Variants in ANKRD30BL observed in about 807,000 individuals in gnomAD.
ANKRD30BL encodes putative ankyrin repeat domain-containing protein 30B-like.
A neutral mutation model predicts 18.4 loss-of-function variants in ANKRD30BL; 20 were observed. That is an observed-to-expected ratio of 1.09 (90% CI 0.77 to 1.58). The LOEUF is 1.58. ANKRD30BL is among the 40% of genes most tolerant of loss of function. The pLI is 0.00. For synonymous variants in ANKRD30BL, 72 were observed against 100.9 expected (o/e 0.71, Z 1.72); for missense variants, 224 against 268.6 (o/e 0.83, Z 1.16).
chr2:132,252,488 C>T (rs1425482912), intron 1 of ANKRD30BL, among the ~76,000 whole-genome samples: 6 of 131,334 alleles, frequency 4.6e-5, no homozygotes, highest in East Asian at 5.4e-4. Context: ...CCAGATGGGC[C>T]GTGTGGCAGG....
chr2:132,178,968 T>G (rs953578819), intron 1 of ANKRD30BL, among the ~76,000 whole-genome samples: 1 of 151,598 alleles, frequency 6.6e-6, no homozygotes, highest in Non-Finnish European at 1.5e-5. Context: ...AGGTAGGAAA[T>G]GTTGAAGATA....
chr2:132,186,602 A>G (rs1201182549), intron 1 of ANKRD30BL, among the ~76,000 whole-genome samples: 1 of 152,210 alleles, frequency 6.6e-6, no homozygotes, highest in African/African-American at 2.4e-5. Flanking sequence ...AAAATTAAAA[A>G]GTAGTCTAAT....
intron 1 of ANKRD30BL, among the ~76,000 whole-genome samples, chr2:132,190,271 C>T (rs867737843): frequency 2.0e-5 from 3 of 152,010 alleles, no homozygotes; most frequent in Middle Eastern, 3.2e-3. Context: ...TGTTTGTCAT[C>T]AAGGATGACA....
intron 1 of ANKRD30BL, chr2:132,257,104 C>G (rs760259337): frequency 2.0e-4 from 96 of 484,350 alleles, no homozygotes; most frequent in Non-Finnish European, 3.7e-4. Context: ...TCATGAGCCC[C>G]AGGTCCCGCC....
At chr2:132,221,632 G>A (rs1446156586) in intron 1 of ANKRD30BL, among the ~76,000 whole-genome samples, 10 of 123,608 alleles carry the variant, frequency 8.1e-5, no homozygotes, top group South Asian at 7.6e-4. Flanking sequence ...CGCCCAGTCC[G>A]GGAGGGAGGT....
chr2:132,198,917 C>T (rs1262280514), intron 1 of ANKRD30BL, among the ~76,000 whole-genome samples: 4 of 152,262 alleles, frequency 2.6e-5, no homozygotes, highest in African/African-American at 9.6e-5. Context: ...TGTGCCCGGC[C>T]CAGTCCTTGT....
intron 1 of ANKRD30BL, among the ~76,000 whole-genome samples, chr2:132,208,431 T>C (rs892438416): frequency 2.6e-4 from 40 of 152,220 alleles, no homozygotes; most frequent in African/African-American, 9.4e-4. Flanking sequence ...CTGAAGTCTA[T>C]GGTAGCTGCT....
chr2:132,200,555 G>A (rs1358896294), intron 1 of ANKRD30BL, among the ~76,000 whole-genome samples: 1 of 152,188 alleles, frequency 6.6e-6, no homozygotes, highest in African/African-American at 2.4e-5. Context: ...TTGCTTCAAA[G>A]AGAATAAAAT....
intron 1 of ANKRD30BL, among the ~76,000 whole-genome samples, chr2:132,195,259 G>A (rs1027101414): frequency 2.0e-5 from 3 of 152,162 alleles, no homozygotes; most frequent in African/African-American, 2.4e-5. Context: ...TAGTGGTGAA[G>A]GAGGGTGAAT....
intron 1 of ANKRD30BL, among the ~76,000 whole-genome samples, chr2:132,234,911 A>G (rs202130952): frequency 5.9e-5 from 9 of 152,084 alleles, no homozygotes; most frequent in African/African-American, 1.9e-4. Context: ...CAATATCCTT[A>G]ATGAACATTG....
At chr2:132,189,327 T>G (rs146574566) in intron 1 of ANKRD30BL, among the ~76,000 whole-genome samples, 188 of 152,344 alleles carry the variant, frequency 1.2e-3, no homozygotes, top group Non-Finnish European at 1.9e-3. Flanking sequence ...ATTTCAGATT[T>G]CCTTGGATAA....
At chr2:132,239,891 T>C (rs1484604976) in intron 1 of ANKRD30BL, among the ~76,000 whole-genome samples, 1 of 152,098 alleles carries the variant, frequency 6.6e-6, no homozygotes, top group South Asian at 2.1e-4. Context: ...AACCTTTCTT[T>C]TGATATAGCA....
At chr2:132,166,922 T>C (rs1688197260), upstream of ANKRD30BL, among the ~76,000 whole-genome samples, 1 of 152,064 alleles carries the variant, frequency 6.6e-6, no homozygotes, top group South Asian at 2.1e-4. Context: ...ATAATATGCA[T>C]TTAATACTAT....
chr2:132,193,238 G>T (rs1419588092), intron 1 of ANKRD30BL, among the ~76,000 whole-genome samples: 1 of 152,128 alleles, frequency 6.6e-6, no homozygotes, highest in East Asian at 1.9e-4. Context: ...GATACATATG[G>T]GCCCCACAGC....
chr2:132,244,954 A>T (rs1307132815), intron 1 of ANKRD30BL, among the ~76,000 whole-genome samples: 1 of 152,302 alleles, frequency 6.6e-6, no homozygotes, highest in African/African-American at 2.4e-5. Flanking sequence ...ACACAGAAGC[A>T]TTCTCAGAAA....
At chr2:132,224,356 G>A (rs75083996) in intron 1 of ANKRD30BL, among the ~76,000 whole-genome samples, 5 of 151,958 alleles carry the variant, frequency 3.3e-5, no homozygotes, top group African/African-American at 7.2e-5. Flanking sequence ...TGTGATGTTC[G>A]CATTCCACTC....
rs564410668 is a variant in ANKRD30BL at position 132,168,691 on chromosome 2, T to G, written n.442-11545A>C. 3.3e-3 allele frequency among the ~76,000 whole-genome samples: 497 copies of G among 152,208 alleles called. 5 individuals carry two copies. The highest frequency in any genetic ancestry group is 0.011 in the African/African-American group (459 of 41,530). ...GATAAGAATGTATTGTATACTTGAATTTTGCTAACAGGGTAGGTCTTACGT... is the reference window on the plus strand; with the variant it reads ...GATAAGAATGTATTGTATACTTGAAGTTTGCTAACAGGGTAGGTCTTACGT... On this transcript the variant is annotated intron_variant and non_coding_transcript_variant, in intron 1 of 4. Coordinates refer to the ANKRD30BL transcript ENST00000470729.
chr2:132,231,510 T>C (rs1250201770), intron 1 of ANKRD30BL, among the ~76,000 whole-genome samples: 1 of 152,196 alleles, frequency 6.6e-6, no homozygotes, highest in Non-Finnish European at 1.5e-5. Flanking sequence ...AGCAGGGCGA[T>C]GCATTGCCTC....
At chr2:132,229,445 A>G (rs1679943555) in intron 1 of ANKRD30BL, among the ~76,000 whole-genome samples, 1 of 152,106 alleles carries the variant, frequency 6.6e-6, no homozygotes, top group Admixed American at 6.6e-5. Flanking sequence ...GGAAAAGGTA[A>G]TATCATCACA....
Sources: allele counts gnomAD v4.1 joint callset (sites outside exome capture counted in the v4.1 genomes callset), GRCh38; gene constraint gnomAD v4.1.1; transcripts MANE v1.5; gene names NCBI Gene and HGNC (gene_info 2026-07-23, HGNC 2026-07-21).